RIMKLB: variants seen among roughly 807,000 people sequenced by gnomAD.
The protein encoded by RIMKLB is beta-citrylglutamate synthase B.
RIMKLB carries 7 observed loss-of-function variants against 32.0 expected under a neutral mutation model. That is an observed-to-expected ratio of 0.22 (90% CI 0.12 to 0.41). The LOEUF (loss-of-function observed/expected upper bound fraction) is 0.41. RIMKLB is among the 10% of genes least tolerant of loss of function. RIMKLB has a pLI of 1.00. For missense variants in RIMKLB, 289 were observed against 498.7 expected (o/e 0.58, Z 4.00); for synonymous variants, 172 against 185.1 (o/e 0.93, Z 0.57).
At chr12:8,690,611 C>T (rs762640656) in intron 1 of RIMKLB, among the ~76,000 whole-genome samples, 7 of 152,258 alleles carry the variant, frequency 4.6e-5, no homozygotes, top group East Asian at 3.9e-4. Context: ...ACTGTGTCTC[C>T]GTTTGCTCAT....
chr12:8,772,807 C>CTT (rs1311590754), intron 5 of RIMKLB, among the ~76,000 whole-genome samples: 1 of 152,180 alleles, frequency 6.6e-6, no homozygotes, highest in African/African-American at 2.4e-5. Context: ...CTCTTCCTTC[C>CTT]TTTTGGCAAG....
the RIMKLB span, among the ~76,000 whole-genome samples, chr12:8,675,065 G>A: frequency 7.9e-5 from 12 of 152,034 alleles, no homozygotes; most frequent in Admixed American, 6.6e-5. Context: ...GTTTCACCAT[G>A]TTGGCCAGGC....
chr12:8,675,785 T>C, the RIMKLB span, among the ~76,000 whole-genome samples: 1 of 151,792 alleles, frequency 6.6e-6, no homozygotes, highest in Non-Finnish European at 1.5e-5. Context: ...ATAGTTGTTT[T>C]CTTGTTTTTC....
intron 1 of RIMKLB, among the ~76,000 whole-genome samples, chr12:8,705,310 C>T (rs895984574): frequency 6.6e-6 from 1 of 152,008 alleles, no homozygotes; most frequent in African/African-American, 2.4e-5. Flanking sequence ...AACTCCATCT[C>T]TACTAAAAAT....
At chr12:8,701,354 T>C (rs753996955) in intron 1 of RIMKLB, among the ~76,000 whole-genome samples, 6 of 152,184 alleles carry the variant, frequency 3.9e-5, no homozygotes, top group Non-Finnish European at 8.8e-5. Context: ...GTTAGGTTTG[T>C]AGAAAAGTAC....
chr12:8,717,442 T>G (rs1269300837), intron 2 of RIMKLB, among the ~76,000 whole-genome samples: 1 of 152,114 alleles, frequency 6.6e-6, no homozygotes, highest in African/African-American at 2.4e-5. Context: ...CTTTTTTTTT[T>G]CCCTCATTGC....
intron 1 of RIMKLB, among the ~76,000 whole-genome samples, chr12:8,687,669 C>A (rs900730579): frequency 6.6e-6 from 1 of 151,920 alleles, no homozygotes; most frequent in Non-Finnish European, 1.5e-5. Flanking sequence ...TCCTTCCTTT[C>A]TGCTTTCTCC....
intron 5 of RIMKLB, among the ~76,000 whole-genome samples, chr12:8,769,695 C>G (rs760539769): frequency 9.2e-5 from 14 of 152,070 alleles, no homozygotes; most frequent in Non-Finnish European, 1.9e-4. Flanking sequence ...TGGTTACCTT[C>G]TATTTTCTTA....
chr12:8,739,010 G>A (rs903968368), intron 2 of RIMKLB, among the ~76,000 whole-genome samples: 3 of 152,198 alleles, frequency 2.0e-5, no homozygotes, highest in Non-Finnish European at 4.4e-5. Context: ...TAGGATTCTA[G>A]TATTGCTGGT....
At chr12:8,681,183 T>C (rs889388630), upstream of RIMKLB, among the ~76,000 whole-genome samples, 5 of 152,050 alleles carry the variant, frequency 3.3e-5, no homozygotes, top group African/African-American at 9.7e-5. Flanking sequence ...TAGGCTGGTC[T>C]CAAATTCCTG....
intron 3 of RIMKLB, 92 bp from the exon 4 acceptor site, chr12:8,751,865 C>T: frequency 1.2e-6 from 1 of 800,694 alleles, no homozygotes; most frequent in Non-Finnish European, 2.1e-6. Flanking sequence ...CTTCAACTTC[C>T]TTGTGCTGTT....
downstream of RIMKLB, chr12:8,777,652 C>A (rs1323302235): frequency 2.3e-6 from 3 of 1,289,230 alleles, no homozygotes; most frequent in East Asian, 5.6e-5. Flanking sequence ...AAAAAACTTT[C>A]CTTCTTCCCC....
intron 1 of RIMKLB, among the ~76,000 whole-genome samples, chr12:8,691,177 G>A (rs1411562564): frequency 6.6e-6 from 1 of 152,114 alleles, no homozygotes; most frequent in Non-Finnish European, 1.5e-5. Flanking sequence ...ACCTGTATGA[G>A]TGCAGTAGCA....
intron 2 of RIMKLB, among the ~76,000 whole-genome samples, chr12:8,718,151 G>T (rs750853279): frequency 6.6e-6 from 1 of 152,034 alleles, no homozygotes; most frequent in Non-Finnish European, 1.5e-5. Flanking sequence ...CTATGGAAAT[G>T]GAATCAGATC....
rs1388747041 is a variant in RIMKLB at position 8,776,116 on chromosome 12, T to A, written c.*2332T>A. 2.0e-6 allele frequency: 2 copies of A among 984,960 alleles called. No homozygotes were observed. The highest frequency in any genetic ancestry group is 1.7e-5 in the African/African-American group (1 of 57,234). 61.0% of individuals were successfully genotyped at this position (984,960 alleles called of 1,614,324 possible). A position where few individuals can be genotyped will look rare whatever the true frequency, so the allele number is the denominator to read the frequency against. On this transcript the variant is annotated 3_prime_UTR_variant, in exon 6 of 6. Transcript: ENST00000535829. ...TAGTTACATATCACAAGTATGTAGT[T>A]CATGTTTGTGTTGGTGGGGTAAGGC...
intron 5 of RIMKLB, among the ~76,000 whole-genome samples, chr12:8,754,406 G>T (rs1269132593): frequency 6.6e-6 from 1 of 152,074 alleles, no homozygotes; most frequent in Admixed American, 6.6e-5. Flanking sequence ...TACTTATTTT[G>T]TATATAATTG....
At chr12:8,729,708 C>T (rs767478041) in intron 2 of RIMKLB, among the ~76,000 whole-genome samples, 13 of 152,270 alleles carry the variant, frequency 8.5e-5, no homozygotes, top group African/African-American at 3.1e-4. Flanking sequence ...CCTCCTGTCC[C>T]TATGACCTCA....
chr12:8,773,294 A>T, intron 5 of RIMKLB, 27 bp from the exon 6 acceptor site: 1 of 1,485,376 alleles, frequency 6.7e-7, no homozygotes, highest in Non-Finnish European at 9.3e-7. Flanking sequence ...TGATTTTGTT[A>T]ATTTCCTGTC....
rs140193965 is a variant in RIMKLB at position 8,686,580 on chromosome 12, T to C, written n.219+4762T>C. Among the ~76,000 whole-genome samples the C allele has an allele frequency of 9.2e-5, 14 of 151,868 alleles. No homozygotes were observed. In the East Asian group the frequency reaches 9.7e-4, roughly 11 times the overall value. ...CTGCAAGCTCCGCCTCCCGGATTCA[T>C]GCCATTCTCCTGCCTCAGCCTCGCA... is the stretch of plus-strand genomic sequence containing the variant. On this transcript the variant is annotated intron_variant and non_coding_transcript_variant, in intron 1 of 1. Coordinates refer to the RIMKLB transcript ENST00000538758.
Sources: allele counts gnomAD v4.1 joint callset (sites outside exome capture counted in the v4.1 genomes callset), GRCh38; gene constraint gnomAD v4.1.1; transcripts MANE v1.5; gene names NCBI Gene and HGNC (gene_info 2026-07-23, HGNC 2026-07-21).